RACGAP1: variants seen among roughly 807,000 people sequenced by gnomAD.
RACGAP1 encodes Rac GTPase activating protein 1, also known as rac GTPase-activating protein 1.
RACGAP1 carries 30 observed loss-of-function variants against 78.1 expected under a neutral mutation model. That is an observed-to-expected ratio of 0.38 (90% CI 0.29 to 0.52). The LOEUF (loss-of-function observed/expected upper bound fraction) is 0.52. Among genes scored for constraint, RACGAP1 ranks in the 20% least tolerant of loss-of-function variants. The probability of loss-of-function intolerance (pLI) is 0.82; values close to 1 mark genes in which losing one functional copy is unlikely to be tolerated. For synonymous variants in RACGAP1, 231 were observed against 264.8 expected, an observed-to-expected ratio of 0.87 and a Z score of 1.24; for missense variants, 587 against 777.1, an observed-to-expected ratio of 0.76 and a Z score of 2.91.
At position 49,990,302 on chromosome 12, in the gene RACGAP1, TGTC is replaced by T. The variant is rs1182530584; in HGVS notation, c.1862_1864del (p.Arg621del). The stretch of plus-strand genomic sequence containing the variant: ...CATTGGAGAAGCAAAAAAGTTGCCT[TGTC>T]GTCCTAGGTTAGTGGCAGACTTGCT... On this transcript the variant is annotated inframe_deletion, in exon 17 of 17. Transcript: ENST00000312377. The T allele has an allele frequency of 3.1e-6, 5 of 1,613,912 alleles. No individual in the cohort carries two copies. The highest frequency in any genetic ancestry group is 3.4e-6 in the Non-Finnish European group (4 of 1,179,908).
At chr12:50,028,620 A>C (rs1016977210), upstream of RACGAP1, among the ~76,000 whole-genome samples, 3 of 146,556 alleles carry the variant, frequency 2.0e-5, no homozygotes, top group East Asian at 2.1e-4. Context: ...AATGCGAAAA[A>C]AATTAGCCAA....
chr12:50,009,060 T>G (rs776885065), intron 2 of RACGAP1, among the ~76,000 whole-genome samples: 1 of 151,778 alleles, frequency 6.6e-6, no homozygotes, highest in Admixed American at 6.6e-5. Flanking sequence ...GCAGATCACT[T>G]GAGGTCAGTA....
upstream of RACGAP1, among the ~76,000 whole-genome samples, chr12:50,029,519 A>G (rs532086312): frequency 2.6e-5 from 4 of 152,154 alleles, no homozygotes; most frequent in African/African-American, 7.2e-5. Context: ...GGTTGCAGTG[A>G]ACCGAGATTG....
intron 9 of RACGAP1, among the ~76,000 whole-genome samples, chr12:49,998,772 A>T (rs1430080020): frequency 1.3e-5 from 2 of 151,182 alleles, no homozygotes; most frequent in African/African-American, 4.9e-5. Context: ...GGTGGCACAC[A>T]TCTGTATCCC....
chr12:50,032,536 A>AGTGTGT lies in RACGAP1; in HGVS notation c.-195+428_-195+433dup, dbSNP rs60239235. On this transcript the variant is annotated intron_variant, in intron 1 of 3. Coordinates refer to the RACGAP1 transcript ENST00000548247. The stretch of plus-strand genomic sequence containing the variant: ...CGAGAAGGCAGCAAAGGAAAAGGTG[A>AGTGTGT]GTGTGTGTGTGTGTGTGTGTGTGTG... Among the ~76,000 whole-genome samples the AGTGTGT allele has an allele frequency of 3.3e-3, 490 of 147,126 alleles. 3 individuals carry two copies. Among genetic ancestry groups the AGTGTGT allele is most frequent in the South Asian group, 0.031 (144 of 4,612 alleles).
At chr12:50,016,474 G>C (rs1280020567) in intron 2 of RACGAP1, among the ~76,000 whole-genome samples, 157 bp downstream of exon 2, 1 of 152,224 alleles carries the variant, frequency 6.6e-6, no homozygotes, top group Non-Finnish European at 1.5e-5. Context: ...TTTAGAATGA[G>C]TGCCCATTAG....
intron 14 of RACGAP1, 40 bp downstream of exon 14, chr12:49,992,205 T>C: frequency 6.2e-7 from 1 of 1,612,822 alleles, no homozygotes. Context: ...AGTTATCACA[T>C]TACACAAGTT....
At chr12:50,006,155 C>G (rs1460573804) in intron 3 of RACGAP1, among the ~76,000 whole-genome samples, 1 of 152,146 alleles carries the variant, frequency 6.6e-6, no homozygotes, top group Non-Finnish European at 1.5e-5. Flanking sequence ...GATCTCCCTC[C>G]CTCCCTTTTC....
chr12:50,000,020 T>G (rs73119654), intron 7 of RACGAP1, among the ~76,000 whole-genome samples: 3 of 108,840 alleles, frequency 2.8e-5, no homozygotes, highest in African/African-American at 7.0e-5. Context: ...CCTGACTGAT[T>G]TTTTTTTTTT....
upstream of RACGAP1, among the ~76,000 whole-genome samples, chr12:50,027,843 A>AATCC (rs1950294462): frequency 6.6e-6 from 1 of 152,128 alleles, no homozygotes; most frequent in Admixed American, 6.6e-5. Context: ...TCAATCAATC[A>AATCC]ATCAATCAAT....
At chr12:50,018,672 G>A (rs936757303) in intron 1 of RACGAP1, 37 of 739,416 alleles carry the variant, frequency 5.0e-5, no homozygotes, top group South Asian at 7.9e-5. Context: ...CTTATATATC[G>A]TGAGACTATA....
chr12:50,001,362 C>T, intron 6 of RACGAP1, 110 bp from the exon 7 acceptor site: 1 of 703,186 alleles, frequency 1.4e-6, no homozygotes, highest in African/African-American at 1.8e-5. Flanking sequence ...ATTAGGGCTA[C>T]AGTAAATAAC....
chr12:50,025,246 A>G, intron 1 of RACGAP1, 152 bp downstream of exon 1: 2 of 953,592 alleles, frequency 2.1e-6, no homozygotes, highest in Non-Finnish European at 2.5e-6. Flanking sequence ...CCCACCCCAG[A>G]AAAGCCCGAG....
At chr12:50,022,258 T>A (rs1444440798) in intron 1 of RACGAP1, among the ~76,000 whole-genome samples, 3 of 152,196 alleles carry the variant, frequency 2.0e-5, no homozygotes, top group Non-Finnish European at 4.4e-5. Context: ...AAAAATACTG[T>A]TTATTATTAA....
intron 7 of RACGAP1, among the ~76,000 whole-genome samples, chr12:50,000,066 T>C (rs1948574660): frequency 7.7e-6 from 1 of 130,584 alleles, no homozygotes; most frequent in Admixed American, 9.5e-5. Flanking sequence ...CACGCTGGAG[T>C]ACAGTGGCCC....
At chr12:50,020,712 G>T (rs1005297274) in intron 1 of RACGAP1, among the ~76,000 whole-genome samples, 1 of 152,016 alleles carries the variant, frequency 6.6e-6, no homozygotes, top group Non-Finnish European at 1.5e-5. Flanking sequence ...CATACAAACA[G>T]CAACACATAT....
chr12:50,018,643 TC>T (rs1949816744), intron 1 of RACGAP1: 1 of 1,011,336 alleles, frequency 9.9e-7, no homozygotes, highest in Admixed American at 2.4e-5. Context: ...GGTATTACTT[TC>T]TATCATCTCG....
intron 1 of RACGAP1, among the ~76,000 whole-genome samples, chr12:50,032,566 T>TGTGTGTGTGTGTGA (rs1491208086): frequency 1.4e-5 from 2 of 141,048 alleles, no homozygotes; most frequent in African/African-American, 2.5e-5. Context: ...TGTGTGTGTG[T>TGTGTGTGTGTGTGA]GAAGCGGGGT....
chr12:50,023,278 A>G (rs1950102599), intron 1 of RACGAP1, among the ~76,000 whole-genome samples: 1 of 152,206 alleles, frequency 6.6e-6, no homozygotes, highest in African/African-American at 2.4e-5. Context: ...AAAGTTTTCT[A>G]AAAGGGATGT....
Sources: gnomAD v4.1 joint callset for allele counts (sites outside exome capture counted in the v4.1 genomes callset) on GRCh38, gnomAD v4.1.1 for gene constraint, MANE v1.5 for transcripts, NCBI Gene and HGNC (gene_info 2026-07-23, HGNC 2026-07-21) for gene names.